Variants in CDH3 observed in about 807,000 individuals in gnomAD.
CDH3 encodes cadherin 3, also known as cadherin-3.
CDH3 carries 54 observed loss-of-function variants against 82.0 expected under a neutral mutation model. The observed-to-expected ratio is 0.66, with a 90% CI of 0.53 to 0.83. The LOEUF is 0.83. Ranked by LOEUF, CDH3 falls within the 40% of genes least tolerant of loss-of-function variation. CDH3 has a pLI of 0.00. For missense variants in CDH3, 1,054 were observed against 1,084.6 expected, an observed-to-expected ratio of 0.97 and a Z score of 0.40; for synonymous variants, 446 against 437.9, an observed-to-expected ratio of 1.02 and a Z score of -0.23.
intron 1 of CDH3, among the ~76,000 whole-genome samples, chr16:68,706,110 A>G: frequency 6.6e-6 from 1 of 151,540 alleles, no homozygotes; most frequent in Non-Finnish European, 1.5e-5. Context: ...TGGGGGCTGC[A>G]GGTAGATATA....
intron 2 of CDH3, among the ~76,000 whole-genome samples, chr16:68,674,265 T>G (rs1960971131): frequency 6.6e-6 from 1 of 152,234 alleles, no homozygotes; most frequent in South Asian, 2.1e-4. Context: ...GATTTTGATT[T>G]GCATTTCCCT....
Position 68,646,919 on chromosome 16 carries a change from C to T in CDH3, c.160+1169C>T, listed in dbSNP as rs533232819. Among the ~76,000 whole-genome samples, 28 of 152,266 alleles carry T rather than the reference C, an allele frequency of 1.8e-4. 1 individual carries two copies. In the South Asian group the frequency reaches 2.3e-3, roughly 12 times the overall value. Reference sequence around the variant, plus strand: ...TGTCAATGCCTAGGGGACAGAGTGGCTCTCTTTTATTTCTCCAAAAGAGGA... The same window carrying T: ...TGTCAATGCCTAGGGGACAGAGTGGTTCTCTTTTATTTCTCCAAAAGAGGA... On this transcript the variant is annotated intron_variant, in intron 2 of 15. Coordinates refer to ENST00000264012, the MANE Select transcript of CDH3 (RefSeq NM_001793.6).
At chr16:68,690,106 C>T (rs1341667250) in intron 12 of CDH3, among the ~76,000 whole-genome samples, 1 of 152,150 alleles carries the variant, frequency 6.6e-6, no homozygotes, top group Non-Finnish European at 1.5e-5. Flanking sequence ...CGAGTGGTGC[C>T]CAGTGTGCAG....
At chr16:68,733,725 G>C in the CDH3 span, among the ~76,000 whole-genome samples, 1 of 152,168 alleles carries the variant, frequency 6.6e-6, no homozygotes, top group Non-Finnish European at 1.5e-5. Flanking sequence ...CGGGGCAACA[G>C]AGCAAGACCT....
intron 6 of CDH3, among the ~76,000 whole-genome samples, chr16:68,679,237 G>A (rs935520825): frequency 1.5e-4 from 23 of 152,204 alleles, no homozygotes; most frequent in Admixed American, 3.3e-4. Flanking sequence ...TGACCTCTGA[G>A]CCTCACTTCT....
At chr16:68,719,768 G>A (rs796954455) in intron 1 of CDH3, among the ~76,000 whole-genome samples, 4 of 152,110 alleles carry the variant, frequency 2.6e-5, no homozygotes, top group African/African-American at 7.2e-5. Flanking sequence ...CAAAGTGCTG[G>A]GATTGCAGGC....
At chr16:68,702,985 A>G (rs923480432), downstream of CDH3, among the ~76,000 whole-genome samples, 2 of 152,184 alleles carry the variant, frequency 1.3e-5, no homozygotes, top group African/African-American at 4.8e-5. Context: ...CATTTTGAAA[A>G]GTGCCCCAAT....
At chr16:68,731,080 T>TATATATATATATAAA (rs1962281378), downstream of CDH3, among the ~76,000 whole-genome samples, 1 of 85,606 alleles carries the variant, frequency 1.2e-5, no homozygotes, top group African/African-American at 4.9e-5. Context: ...ATATATATAA[T>TATATATATATATAAA]TATAAAAATA....
chr16:68,695,985 G>C, intron 15 of CDH3, 62 bp downstream of exon 15: 1 of 1,577,714 alleles, frequency 6.3e-7, no homozygotes, highest in Non-Finnish European at 8.7e-7. Context: ...AGCCACACAG[G>C]AGAACAAGCA....
intron 9 of CDH3, 106 bp downstream of exon 9, chr16:68,682,593 C>T: frequency 9.6e-7 from 1 of 1,044,744 alleles, no homozygotes; most frequent in Non-Finnish European, 1.5e-6. Context: ...AGGAATCGTA[C>T]CAGCCCAGTG....
At chr16:68,651,365 G>T in intron 2 of CDH3, 1 of 554,750 alleles carries the variant, frequency 1.8e-6, no homozygotes, top group Admixed American at 1.9e-5. Flanking sequence ...ACGGGGGCAG[G>T]ATATGGTTCT....
chr16:68,698,486 C>G lies in CDH3; in HGVS notation c.*86C>G, dbSNP rs552051260. The G allele has an allele frequency of 7.9e-7, 1 of 1,262,462 alleles. No individual in the cohort carries two copies. The highest frequency in any genetic ancestry group is 1.2e-5 in the South Asian group (1 of 80,898). The allele number at this position is 1,262,462 out of a possible 1,614,324, so 78.2% of individuals were successfully genotyped here. Reference sequence around the variant, plus strand: ...CAGTTCCCCCTTCAGCTGAGGACTTCGGAGCTTGTCAGGAAGTGGCCGTAG... The same window carrying G: ...CAGTTCCCCCTTCAGCTGAGGACTTGGGAGCTTGTCAGGAAGTGGCCGTAG... On this transcript the variant is annotated 3_prime_UTR_variant, in exon 16 of 16. Transcript: ENST00000264012.
intron 5 of CDH3, 32 bp downstream of exon 5, chr16:68,678,688 C>T: frequency 6.2e-7 from 1 of 1,614,106 alleles, no homozygotes; most frequent in Non-Finnish European, 8.5e-7. Context: ...CTGTAAATGT[C>T]CCCTCAGAAG....
At chr16:68,727,131 T>TTC (rs1045503638) in intron 2 of CDH3, among the ~76,000 whole-genome samples, 1 of 151,976 alleles carries the variant, frequency 6.6e-6, no homozygotes, top group African/African-American at 2.4e-5. Context: ...TTCACTCACT[T>TTC]TCTCTCTCTC....
chr16:68,662,748 G>T (rs528344484), intron 2 of CDH3, among the ~76,000 whole-genome samples: 2 of 150,592 alleles, frequency 1.3e-5, no homozygotes, highest in African/African-American at 2.4e-5. Context: ...GAGTTTCACC[G>T]CATTAGCCAG....
At chr16:68,666,689 G>T (rs967134944) in intron 2 of CDH3, among the ~76,000 whole-genome samples, 1 of 152,106 alleles carries the variant, frequency 6.6e-6, no homozygotes, top group Non-Finnish European at 1.5e-5. Flanking sequence ...CTTCTTTTTG[G>T]TACAAGAATA....
intron 1 of CDH3, among the ~76,000 whole-genome samples, chr16:68,711,771 G>A (rs1442259802): frequency 1.3e-5 from 2 of 152,172 alleles, no homozygotes; most frequent in East Asian, 3.9e-4. Flanking sequence ...CGAGGGCGAG[G>A]GCATGGGCAC....
At position 68,685,225 on chromosome 16, in the gene CDH3, C is replaced by A; in HGVS notation, c.1445C>A (p.Pro482Gln). ...QKISYRILRD[P>Q]AGWLAMDPDS... is the part of the protein sequence containing the mutation. ...TCCAGCTACCGCATCCTGAGAGACC[C>A]AGCAGGGTGGCTAGCCATGGACCCA... is the stretch of plus-strand genomic sequence containing the variant. Residue 482 changes from proline to glutamine, a missense_variant, in exon 11 of 16, where the codon CCA becomes CAA. By Grantham distance (76) the Pro-to-Gln change is moderately conservative. Coordinates refer to ENST00000264012, the MANE Select transcript of CDH3 (RefSeq NM_001793.6). The A allele has an allele frequency of 6.2e-7, 1 of 1,614,136 alleles. No individual in the cohort carries two copies. The highest frequency in any genetic ancestry group is 8.5e-7 in the Non-Finnish European group (1 of 1,180,038).
chr16:68,651,082 C>T (rs966252334), intron 2 of CDH3: 10 of 427,434 alleles, frequency 2.3e-5, no homozygotes, highest in South Asian at 2.1e-4. Flanking sequence ...CTTCCCTGGG[C>T]CTGGGCAGTC....
Sources: gnomAD v4.1 joint callset for allele counts (sites outside exome capture counted in the v4.1 genomes callset) on GRCh38, gnomAD v4.1.1 for gene constraint, MANE v1.5 for transcripts, NCBI Gene and HGNC (gene_info 2026-07-23, HGNC 2026-07-21) for gene names.